RSRC1: variants seen among roughly 807,000 people sequenced by gnomAD.
RSRC1 encodes the protein arginine and serine rich coiled-coil 1, also known as serine/Arginine-related protein 53.
A neutral mutation model predicts 49.1 loss-of-function variants in RSRC1; 39 were observed. The ratio of observed to expected loss-of-function variants is 0.79; its 90% CI spans 0.61 to 1.04. The LOEUF (loss-of-function observed/expected upper bound fraction) is 1.04. Ranked by LOEUF, RSRC1 falls within the 50% of genes least tolerant of loss-of-function variation. The pLI, the probability that RSRC1 is intolerant of heterozygous loss-of-function variation, is 0.00. For synonymous variants in RSRC1, 143 were observed against 130.8 expected (o/e 1.09, Z -0.63); for missense variants, 388 against 402.4 (o/e 0.96, Z 0.31).
At chr3:158,213,987 C>T (rs559608670) in intron 4 of RSRC1, among the ~76,000 whole-genome samples, 2 of 151,854 alleles carry the variant, frequency 1.3e-5, no homozygotes, top group East Asian at 3.9e-4. Flanking sequence ...TGGATTCAAC[C>T]AACCACAGAT....
intron 4 of RSRC1, among the ~76,000 whole-genome samples, chr3:158,225,174 C>T (rs545028172): frequency 6.6e-6 from 1 of 151,886 alleles, no homozygotes; most frequent in South Asian, 2.1e-4. Context: ...TAGCCTGTTT[C>T]CCTGCAGATG....
At chr3:158,189,330 T>C (rs827155) in intron 3 of RSRC1, among the ~76,000 whole-genome samples, 99,546 of 151,744 alleles carry the variant, frequency 0.66, 32,902 homozygotes, top group East Asian at 0.84. Context: ...TTTAACCATG[T>C]GTTCAAATCT....
intron 6 of RSRC1, among the ~76,000 whole-genome samples, chr3:158,425,939 A>G (rs1460436268): frequency 6.6e-6 from 1 of 151,754 alleles, no homozygotes; most frequent in African/African-American, 2.4e-5. Flanking sequence ...AAACTATAGT[A>G]ATTAAAATGG....
intron 5 of RSRC1, among the ~76,000 whole-genome samples, chr3:158,307,239 G>A (rs1727887147): frequency 6.6e-6 from 1 of 151,884 alleles, no homozygotes; most frequent in African/African-American, 2.4e-5. Flanking sequence ...GAAGCACTGG[G>A]TTAGTGTTAA....
intron 5 of RSRC1, among the ~76,000 whole-genome samples, chr3:158,323,195 CTG>C (rs1460273085): frequency 6.6e-6 from 1 of 152,050 alleles, no homozygotes; most frequent in East Asian, 1.9e-4. Context: ...TAGACTCAAA[CTG>C]TGAAATTTGG....
At chr3:158,391,750 A>G (rs986704366) in intron 6 of RSRC1, among the ~76,000 whole-genome samples, 1 of 152,140 alleles carries the variant, frequency 6.6e-6, no homozygotes, top group Non-Finnish European at 1.5e-5. Context: ...CAAGAAAAAT[A>G]ATAGAGTGGT....
chr3:158,275,906 C>T, intron 4 of RSRC1: 1 of 699,954 alleles, frequency 1.4e-6, no homozygotes, highest in South Asian at 1.5e-5. Flanking sequence ...CTTTCAAAGG[C>T]CACGGCTCTT....
At chr3:158,173,236 A>G (rs1263160338) in intron 3 of RSRC1, among the ~76,000 whole-genome samples, 1 of 152,000 alleles carries the variant, frequency 6.6e-6, no homozygotes, top group Non-Finnish European at 1.5e-5. Context: ...TTATAAAACA[A>G]TCATCTATTG....
intron 7 of RSRC1, among the ~76,000 whole-genome samples, chr3:158,490,640 T>G (rs1739048090): frequency 6.6e-6 from 1 of 152,216 alleles, no homozygotes; most frequent in African/African-American, 2.4e-5. Context: ...ATCTATTTAA[T>G]TTAGATAAAG....
At chr3:158,379,865 G>C (rs1276962692) in intron 6 of RSRC1, among the ~76,000 whole-genome samples, 1 of 147,772 alleles carries the variant, frequency 6.8e-6, no homozygotes, top group Non-Finnish European at 1.5e-5. Context: ...CCATTTGCTT[G>C]CTTCATTTTT....
Position 158,514,970 on chromosome 3 carries a change from G to T in RSRC1, c.653-22122G>T, listed in dbSNP as rs904033238. ...CCTTTTTTTGTTTTCCATTTGCTTGGTAGATCTTCCTCCATCCTTTTATTT... is the reference window on the plus strand; with the variant it reads ...CCTTTTTTTGTTTTCCATTTGCTTGTTAGATCTTCCTCCATCCTTTTATTT... On this transcript the variant is annotated intron_variant, in intron 7 of 9. Transcript: ENST00000611884. 2.3e-3 allele frequency among the ~76,000 whole-genome samples: 342 copies of T among 151,714 alleles called. 3 individuals carry two copies. The highest frequency in any genetic ancestry group is 5.0e-3 in the South Asian group (24 of 4,774).
At chr3:158,359,296 G>C (rs1041210682) in intron 6 of RSRC1, among the ~76,000 whole-genome samples, 1 of 152,146 alleles carries the variant, frequency 6.6e-6, no homozygotes, top group Non-Finnish European at 1.5e-5. Flanking sequence ...TTATCTGTAA[G>C]AGCGAAAGAT....
At chr3:158,525,338 T>G (rs1711944316) in intron 7 of RSRC1, among the ~76,000 whole-genome samples, 1 of 151,940 alleles carries the variant, frequency 6.6e-6, no homozygotes, top group Admixed American at 6.6e-5. Context: ...GAAATGCAAA[T>G]TAAAACAGCA....
At chr3:158,167,842 T>C (rs1479641580) in intron 3 of RSRC1, among the ~76,000 whole-genome samples, 1 of 152,188 alleles carries the variant, frequency 6.6e-6, no homozygotes, top group Admixed American at 6.5e-5. Flanking sequence ...AAGACAGCCA[T>C]GCACATTGGG....
intron 4 of RSRC1, among the ~76,000 whole-genome samples, chr3:158,250,701 A>G (rs756933447): frequency 1.3e-5 from 2 of 152,124 alleles, no homozygotes; most frequent in Non-Finnish European, 2.9e-5. Flanking sequence ...TGAGTTCCTT[A>G]TATATTCTGG....
At chr3:158,377,178 A>G (rs781668612) in intron 6 of RSRC1, among the ~76,000 whole-genome samples, 7 of 152,148 alleles carry the variant, frequency 4.6e-5, no homozygotes, top group Non-Finnish European at 1.0e-4. Context: ...GATGTGTTTC[A>G]GTCTGCAAAT....
intron 5 of RSRC1, among the ~76,000 whole-genome samples, chr3:158,327,446 G>A (rs1402807098): frequency 6.6e-6 from 1 of 152,092 alleles, no homozygotes; most frequent in African/African-American, 2.4e-5. Context: ...TGTTCTCATT[G>A]GTTTCAAAGA....
At position 158,380,530 on chromosome 3, in the gene RSRC1, G is replaced by T. The variant is rs996716631; in HGVS notation, c.583+25622G>T. On this transcript the variant is annotated intron_variant, in intron 6 of 9. Transcript: ENST00000611884. ...TTTTATGTTTGTATAACAGTTCCCG[G>T]TTTACAAAGCACTTTTGCATATTAT... Among the ~76,000 whole-genome samples the T allele has an allele frequency of 5.3e-5, 8 of 152,126 alleles. 1 individual carries two copies. Among genetic ancestry groups the T allele is most frequent in the Admixed American group, 3.3e-4 (5 of 15,280 alleles).
At chr3:158,459,392 T>C (rs1047933531) in intron 6 of RSRC1, among the ~76,000 whole-genome samples, 1 of 152,132 alleles carries the variant, frequency 6.6e-6, no homozygotes, top group Non-Finnish European at 1.5e-5. Context: ...TCTTACGTTG[T>C]TAATGGAGGT....
Sources: gnomAD v4.1 joint callset for allele counts (sites outside exome capture counted in the v4.1 genomes callset) on GRCh38, gnomAD v4.1.1 for gene constraint, MANE v1.5 for transcripts, NCBI Gene and HGNC (gene_info 2026-07-23, HGNC 2026-07-21) for gene names.